CORO1B: variants seen among roughly 807,000 people sequenced by gnomAD.
CORO1B encodes coronin 1B, also known as coronin-1B.
A neutral mutation model predicts 51.1 loss-of-function variants in CORO1B; 30 were observed. That is an observed-to-expected ratio of 0.59 (90% CI 0.44 to 0.80). The LOEUF (loss-of-function observed/expected upper bound fraction) is 0.80, where lower values mean the gene tolerates loss of function less well. CORO1B is among the 30% of genes least tolerant of loss of function. The pLI, the probability that CORO1B is intolerant of heterozygous loss-of-function variation, is 0.00. For missense variants in CORO1B, 648 were observed against 700.4 expected (o/e 0.93, Z 0.84); for synonymous variants, 310 against 289.7 (o/e 1.07, Z -0.71).
chr11:67,441,942 G>C (rs760740853), intron 3 of CORO1B, 24 bp downstream of exon 3: 3 of 1,612,984 alleles, frequency 1.9e-6, no homozygotes, highest in South Asian at 2.2e-5. Flanking sequence ...CCACGACCCT[G>C]GCCCAGCCAG....
rs891550388 is a variant in CORO1B at position 67,437,753 on chromosome 11, C to T, written c.*623G>A. On this transcript the variant is annotated 3_prime_UTR_variant, in exon 11 of 11. Coordinates refer to ENST00000341356, the MANE Select transcript of CORO1B (RefSeq NM_020441.3). The stretch of plus-strand genomic sequence containing the variant: ...TCCTGCCCACATACCCCACCTGCCC[C>T]TCCCTGCTGCAGGACCCCTGGTCCA... 8.1e-6 allele frequency: 8 copies of T among 987,620 alleles called. No individual in the cohort carries two copies. The highest frequency in any genetic ancestry group is 1.1e-5 in the Non-Finnish European group (8 of 740,692). 61.2% of individuals were successfully genotyped at this position (987,620 alleles called of 1,614,324 possible).
chr11:67,437,949 C>G lies in CORO1B; in HGVS notation c.*427G>C. 1 of 366,506 alleles carries G rather than the reference C, an allele frequency of 2.7e-6. No individual in the cohort carries two copies. The highest frequency in any genetic ancestry group is 4.9e-6 in the Non-Finnish European group (1 of 205,426). The allele number at this position is 366,506 out of a possible 1,614,324, so 22.7% of individuals were successfully genotyped here. A position where few individuals can be genotyped will look rare whatever the true frequency, so the allele number is the denominator to read the frequency against. ...GGAGCAATGCCTGTGGGGCTGCTCA[C>G]TGCCCCCAGACCTTCTGCACATGTG... On this transcript the variant is annotated 3_prime_UTR_variant, in exon 11 of 11. Transcript: ENST00000341356.
chr11:67,437,964 C>A lies in CORO1B; in HGVS notation c.*412G>T. 1 of 362,608 alleles carries A rather than the reference C, an allele frequency of 2.8e-6. No homozygotes were observed. Among genetic ancestry groups the A allele is most frequent in the Non-Finnish European group, 4.9e-6 (1 of 202,848 alleles). 22.5% of individuals were successfully genotyped at this position (362,608 alleles called of 1,614,324 possible). A position where few individuals can be genotyped will look rare whatever the true frequency, so the allele number is the denominator to read the frequency against. On this transcript the variant is annotated 3_prime_UTR_variant, in exon 11 of 11. Transcript: ENST00000341356. Reference sequence around the variant, plus strand: ...GGGCTGCTCACTGCCCCCAGACCTTCTGCACATGTGTGACTCCTGTGACAT... The same window carrying A: ...GGGCTGCTCACTGCCCCCAGACCTTATGCACATGTGTGACTCCTGTGACAT...
chr11:67,438,631 C>T (rs1265920309), intron 10 of CORO1B, 40 bp downstream of exon 10: 1 of 1,513,648 alleles, frequency 6.6e-7, no homozygotes. Context: ...CAGGGCCACA[C>T]CTGGGGCTCC....
At chr11:67,440,775 CAG>C in intron 6 of CORO1B, 1 of 644,774 alleles carries the variant, frequency 1.6e-6, no homozygotes, top group Non-Finnish European at 2.9e-6. Context: ...TATGCAGAAG[CAG>C]AGAGGGCTGG....
intron 10 of CORO1B, 56 bp from the exon 11 acceptor site, chr11:67,438,557 G>C: frequency 6.4e-7 from 1 of 1,569,832 alleles, no homozygotes; most frequent in Non-Finnish European, 8.7e-7. Context: ...CTAAGCCATA[G>C]CCCTCCCAAA....
chr11:67,437,500 G>C lies in CORO1B; in HGVS notation c.*876C>G. On this transcript the variant is annotated 3_prime_UTR_variant, in exon 11 of 11. Coordinates refer to ENST00000341356, the MANE Select transcript of CORO1B (RefSeq NM_020441.3). ...TCAGCCTCTGCCATACTCCTCTTAG[G>C]TCTCACCTCTTCCCTGGGGCCAATG... 1 of 1,192,560 alleles carries C rather than the reference G, an allele frequency of 8.4e-7. No homozygotes were observed. Among genetic ancestry groups the C allele is most frequent in the Non-Finnish European group, 1.1e-6 (1 of 911,692 alleles). The allele number at this position is 1,192,560 out of a possible 1,614,324, so 73.9% of individuals were successfully genotyped here.
chr11:67,438,757 C>A lies in CORO1B; in HGVS notation c.1258G>T (p.Ala420Ser). 6.4e-7 allele frequency: 1 copy of A among 1,566,116 alleles called. No individual in the cohort carries two copies. The highest frequency in any genetic ancestry group is 8.6e-7 in the Non-Finnish European group (1 of 1,159,272). The change falls in exon 10 of 11, where the codon GCC becomes TCC. Residue 420 changes from alanine (A) to serine (S), a missense_variant. By Grantham distance (99) the Ala-to-Ser change is moderately conservative. Transcript: ENST00000341356. The stretch of plus-strand genomic sequence containing the variant: ...GCCCCTAGGTGGGAGGAGCCCGGGG[C>A]CATGGCGGGCCGGCTGTCAGACAAC... ...NVLSDSRPAM[A>S]PGSSHLGAPA...
At chr11:67,441,032 T>C (rs773917315) in intron 6 of CORO1B, 93 bp downstream of exon 6, 3 of 1,581,736 alleles carry the variant, frequency 1.9e-6, no homozygotes, top group Admixed American at 1.7e-5. Context: ...GCAGAGAAGC[T>C]AGGAACCACA....
intron 8 of CORO1B, 34 bp downstream of exon 8, chr11:67,440,084 C>T (rs1782689339): frequency 6.3e-7 from 1 of 1,585,270 alleles, no homozygotes; most frequent in Non-Finnish European, 8.6e-7. Flanking sequence ...CCTTAGATGC[C>T]CCTATCCCCG....
At position 67,435,688 on chromosome 11, in the gene CORO1B, G is replaced by C; in HGVS notation, c.*2688C>G. The C allele has an allele frequency of 1.3e-6, 2 of 1,496,978 alleles. No homozygotes were observed. Among genetic ancestry groups the C allele is most frequent in the Non-Finnish European group, 1.8e-6 (2 of 1,129,452 alleles). 92.7% of individuals were successfully genotyped at this position (1,496,978 alleles called of 1,614,324 possible). On this transcript the variant is annotated 3_prime_UTR_variant, in exon 11 of 11. Coordinates refer to ENST00000341356, the MANE Select transcript of CORO1B (RefSeq NM_020441.3). ...ATGGCATCTTGGGAAGCAGAGGCACGGGGAGTGAGCGGCTGTGACAGGGAT... is the reference window on the plus strand; with the variant it reads ...ATGGCATCTTGGGAAGCAGAGGCACCGGGAGTGAGCGGCTGTGACAGGGAT...
intron 5 of CORO1B, 29 bp from the exon 6 acceptor site, chr11:67,441,273 G>A (rs776068760): frequency 5.0e-6 from 8 of 1,612,688 alleles, no homozygotes; most frequent in Non-Finnish European, 6.8e-6. Context: ...GGTCAGTGCA[G>A]CGCCCTGCTC....
Position 67,441,486 on chromosome 11 carries a change from A to G in CORO1B, c.483T>C (p.Asn161=), listed in dbSNP as rs140174028. ...AGCDNVVLIW[N]VGTAEELYRL... is the part of the protein sequence containing the mutation. ...GGTACAGCTCCTCCGCTGTGCCCAC[A>G]TTCCAGATGAGTACCACGTTGTCGC... is the stretch of plus-strand genomic sequence containing the variant. Residue 161 remains asparagine, a synonymous_variant, in exon 5 of 11, where the codon AAT becomes AAC. Transcript: ENST00000341356. The G allele has an allele frequency of 8.7e-6, 14 of 1,613,494 alleles. No individual in the cohort carries two copies. Among genetic ancestry groups the G allele is most frequent in the East Asian group, 2.2e-5 (1 of 44,886 alleles).
intron 1 of CORO1B, 31 bp downstream of exon 1, chr11:67,443,373 G>A (rs1373315241): frequency 4.6e-6 from 3 of 655,508 alleles, no homozygotes; most frequent in East Asian, 1.4e-4. Context: ...CCCCCAGCCC[G>A]CGCCCCTAGC....
chr11:67,441,596 C>T (rs776949695), intron 4 of CORO1B, 82 bp from the exon 5 acceptor site: 1 of 1,558,190 alleles, frequency 6.4e-7, no homozygotes. Context: ...ACTCTGCCCA[C>T]CACCCTGGGA....
chr11:67,437,642 C>T lies in CORO1B; in HGVS notation c.*734G>A, dbSNP rs376109006. On this transcript the variant is annotated 3_prime_UTR_variant, in exon 11 of 11. Coordinates refer to ENST00000341356, the MANE Select transcript of CORO1B (RefSeq NM_020441.3). ...CATTGGTCCGCAGGCCCCTCCGTGCCGGGCACCCACCTCCAGCTCTGGCTG... is the reference window on the plus strand; with the variant it reads ...CATTGGTCCGCAGGCCCCTCCGTGCTGGGCACCCACCTCCAGCTCTGGCTG... The T allele has an allele frequency of 4.9e-5, 67 of 1,364,996 alleles. No individual in the cohort carries two copies. The African/African-American group carries it at 6.7e-4, about 14-fold the overall frequency. The allele number at this position is 1,364,996 out of a possible 1,614,324, so 84.6% of individuals were successfully genotyped here.
At position 67,435,880 on chromosome 11, in the gene CORO1B, G is replaced by C; in HGVS notation, c.*2496C>G. 2.5e-6 allele frequency: 4 copies of C among 1,611,588 alleles called. No individual in the cohort carries two copies. The highest frequency in any genetic ancestry group is 3.4e-6 in the Non-Finnish European group (4 of 1,179,542). ...CTGGTCCTGGGGAGCCGAGGACCAG[G>C]TCGCCCTCCGTGTCACTGTCTCTGG... On this transcript the variant is annotated 3_prime_UTR_variant, in exon 11 of 11. Coordinates refer to ENST00000341356, the MANE Select transcript of CORO1B (RefSeq NM_020441.3).
chr11:67,443,635 C>A, upstream of CORO1B: 1 of 798,220 alleles, frequency 1.3e-6, no homozygotes, highest in South Asian at 5.7e-5. Flanking sequence ...AGAGAGAGCC[C>A]CTTTCCTAGG....
At position 67,437,725 on chromosome 11, in the gene CORO1B, G is replaced by A. The variant is rs528671701; in HGVS notation, c.*651C>T. The A allele has an allele frequency of 6.8e-5, 84 of 1,243,754 alleles. 1 individual carries two copies. The highest frequency in any genetic ancestry group is 6.3e-5 in the Admixed American group (2 of 31,592). 77.0% of individuals were successfully genotyped at this position (1,243,754 alleles called of 1,614,324 possible). On this transcript the variant is annotated 3_prime_UTR_variant, in exon 11 of 11. Transcript: ENST00000341356. ...GCAGTGAAGGGTGGCCCAGGCTTCC[G>A]CTTCCTGCCCACATACCCCACCTGC...
Sources: gnomAD v4.1 joint callset for allele counts on GRCh38, gnomAD v4.1.1 for gene constraint, MANE v1.5 for transcripts, NCBI Gene and HGNC (gene_info 2026-07-23, HGNC 2026-07-21) for gene names.